ADARB2: variants seen among roughly 807,000 people sequenced by gnomAD.
ADARB2 encodes inactive double-stranded RNA-specific editase B2.
A neutral mutation model predicts 62.2 loss-of-function variants in ADARB2; 25 were observed. The observed-to-expected ratio is 0.40, with a 90% CI of 0.29 to 0.56. The LOEUF is 0.56. ADARB2 is among the 20% of genes least tolerant of loss of function. The pLI is 0.43. For synonymous variants in ADARB2, 572 were observed against 500.8 expected, an observed-to-expected ratio of 1.14 and a Z score of -1.90; for missense variants, 1,071 against 1,077.4, an observed-to-expected ratio of 0.99 and a Z score of 0.08.
At chr10:1,713,099 G>A (rs1834971606) in intron 1 of ADARB2, among the ~76,000 whole-genome samples, 1 of 152,188 alleles carries the variant, frequency 6.6e-6, no homozygotes. Flanking sequence ...AAGCATAGTT[G>A]TTAGGAGTCA....
intron 3 of ADARB2, among the ~76,000 whole-genome samples, chr10:1,344,702 G>A (rs1354515670): frequency 2.0e-5 from 3 of 152,318 alleles, no homozygotes; most frequent in African/African-American, 7.2e-5. Flanking sequence ...CAGAGTGAAA[G>A]CCGTGGACAT....
At chr10:1,399,666 G>A (rs1832646021) in intron 1 of ADARB2, among the ~76,000 whole-genome samples, 3 of 152,196 alleles carry the variant, frequency 2.0e-5, no homozygotes, top group Admixed American at 6.5e-5. Context: ...AGACGCATTC[G>A]TAAATGTGGT....
intron 1 of ADARB2, among the ~76,000 whole-genome samples, chr10:1,621,744 TG>T (rs1833706059): frequency 6.6e-6 from 1 of 152,250 alleles, no homozygotes; most frequent in Admixed American, 6.5e-5. Context: ...TCCATGTTTC[TG>T]GATTTAAAGA....
chr10:1,316,884 C>T (rs1831744685), intron 3 of ADARB2, among the ~76,000 whole-genome samples: 1 of 152,236 alleles, frequency 6.6e-6, no homozygotes, highest in Non-Finnish European at 1.5e-5. Flanking sequence ...CTTAGCTCCT[C>T]ACTCCGGAGG....
At chr10:1,414,810 A>G (rs1214019851) in intron 1 of ADARB2, among the ~76,000 whole-genome samples, 2 of 152,182 alleles carry the variant, frequency 1.3e-5, no homozygotes, top group Non-Finnish European at 2.9e-5. Flanking sequence ...TCACCCCAAC[A>G]CAGATGGACA....
At chr10:1,661,766 C>A (rs1028291960) in intron 1 of ADARB2, among the ~76,000 whole-genome samples, 1 of 152,210 alleles carries the variant, frequency 6.6e-6, no homozygotes, top group African/African-American at 2.4e-5. Flanking sequence ...TCCCATTGCA[C>A]AGACAGATAC....
At chr10:1,716,809 C>T (rs1294030003) in intron 1 of ADARB2, among the ~76,000 whole-genome samples, 2 of 152,048 alleles carry the variant, frequency 1.3e-5, no homozygotes, top group Non-Finnish European at 2.9e-5. Context: ...AGTATATATC[C>T]CTTATGACTA....
intron 1 of ADARB2, among the ~76,000 whole-genome samples, chr10:1,537,542 G>A (rs958125884): frequency 1.4e-4 from 22 of 152,320 alleles, no homozygotes; most frequent in Middle Eastern, 3.4e-3. Context: ...GTTCACAATA[G>A]CAAAGACTTA....
At chr10:1,280,839 G>A (rs145073770) in intron 3 of ADARB2, among the ~76,000 whole-genome samples, 19 of 152,172 alleles carry the variant, frequency 1.2e-4, no homozygotes, top group African/African-American at 2.2e-4. Context: ...TCAATCCCCC[G>A]TTTCTCTCTT....
intron 6 of ADARB2, among the ~76,000 whole-genome samples, chr10:1,232,309 C>T (rs753682396): frequency 6.6e-6 from 1 of 152,012 alleles, no homozygotes; most frequent in Non-Finnish European, 1.5e-5. Context: ...GTGATATGCA[C>T]GTGGTGTATG....
At chr10:1,651,535 A>C (rs527895571) in intron 1 of ADARB2, among the ~76,000 whole-genome samples, 1 of 152,348 alleles carries the variant, frequency 6.6e-6, no homozygotes, top group East Asian at 1.9e-4. Context: ...ACACTCCCTG[A>C]CTGGATGGAA....
intron 1 of ADARB2, among the ~76,000 whole-genome samples, chr10:1,534,218 C>T (rs2131962527): frequency 6.7e-6 from 1 of 150,294 alleles, no homozygotes; most frequent in Non-Finnish European, 1.5e-5. Flanking sequence ...CTCACTGAAA[C>T]CTCTGTCTCC....
chr10:1,467,984 A>G (rs1831273540), intron 1 of ADARB2, among the ~76,000 whole-genome samples: 2 of 152,288 alleles, frequency 1.3e-5, no homozygotes, highest in African/African-American at 4.8e-5. Flanking sequence ...CTATAATTAT[A>G]GTGGAATCAA....
intron 1 of ADARB2, among the ~76,000 whole-genome samples, chr10:1,593,865 A>G (rs1833299278): frequency 6.6e-6 from 1 of 152,136 alleles, no homozygotes; most frequent in South Asian, 2.1e-4. Flanking sequence ...TTGAGAGTAG[A>G]ATTTGATGAT....
intron 3 of ADARB2, among the ~76,000 whole-genome samples, chr10:1,321,508 C>G (rs12247898): frequency 0.024 from 3,624 of 152,206 alleles, 169 homozygotes; most frequent in African/African-American, 0.081. Context: ...AGCCTCCTGA[C>G]TAGCTGGGAC....
chr10:1,554,098 G>A (rs2131980660), intron 1 of ADARB2, among the ~76,000 whole-genome samples: 1 of 152,256 alleles, frequency 6.6e-6, no homozygotes, highest in Admixed American at 6.5e-5. Context: ...AGTCCCCCTG[G>A]GTCCCCCAGG....
chr10:1,223,336 T>C (rs550917291), intron 6 of ADARB2, among the ~76,000 whole-genome samples: 1 of 152,362 alleles, frequency 6.6e-6, no homozygotes, highest in East Asian at 1.9e-4. Flanking sequence ...TGGGGTTTTC[T>C]AGATATACAG....
Position 1,363,226 on chromosome 10 carries a change from C to A in ADARB2, c.879G>T (p.Val293=). 1.4e-6 allele frequency: 2 copies of A among 1,426,922 alleles called. No homozygotes were observed. Among genetic ancestry groups the A allele is most frequent in the Non-Finnish European group, 1.8e-6 (2 of 1,089,338 alleles). The allele number at this position is 1,426,922 out of a possible 1,614,324, so 88.4% of individuals were successfully genotyped here. A position where few individuals can be genotyped will look rare whatever the true frequency, so the allele number is the denominator to read the frequency against. ...LNRLRAGLRY[V]CLAEPAERRA... is the part of the protein sequence containing the mutation. ...GCCGCTCGGCCGGTTCTGCCAGACA[C>A]ACGTAGCGCAGCCCGGCGCGCAGGC... The change falls in exon 3 of 10, where the codon GTG becomes GTT. Residue 293 remains valine (V), a synonymous_variant. Transcript: ENST00000381312.
chr10:1,234,993 C>T (rs183610113), intron 5 of ADARB2, among the ~76,000 whole-genome samples: 23 of 152,218 alleles, frequency 1.5e-4, no homozygotes, highest in African/African-American at 4.6e-4. Context: ...GTGATCCACC[C>T]GCCTTGGCCC....
Sources: gnomAD v4.1 joint callset for allele counts (sites outside exome capture counted in the v4.1 genomes callset) on GRCh38, gnomAD v4.1.1 for gene constraint, MANE v1.5 for transcripts, NCBI Gene and HGNC (gene_info 2026-07-23, HGNC 2026-07-21) for gene names.